ZNF688: variants seen among roughly 807,000 people sequenced by gnomAD.
ZNF688 encodes the protein zinc finger protein 688.
ZNF688 carries 10 observed loss-of-function variants against 13.2 expected under a neutral mutation model. The ratio of observed to expected loss-of-function variants is 0.76; its 90% CI spans 0.47 to 1.28. The LOEUF (loss-of-function observed/expected upper bound fraction) is 1.28. Ranked by LOEUF, ZNF688 falls within the 50% of genes most tolerant of loss-of-function variation. The pLI, the probability that ZNF688 is intolerant of heterozygous loss-of-function variation, is 0.00. For missense variants in ZNF688, 381 were observed against 391.4 expected, an observed-to-expected ratio of 0.97 and a Z score of 0.22; for synonymous variants, 160 against 159.4, an observed-to-expected ratio of 1.00 and a Z score of -0.03.
In ZNF688 at chr16:30,571,599, G is replaced by A. The variant is rs1462336469; in HGVS notation, c.31C>T (p.Pro11Ser). 1.3e-5 allele frequency: 20 copies of A among 1,524,968 alleles called. No individual in the cohort carries two copies. The highest frequency in any genetic ancestry group is 1.7e-5 in the Non-Finnish European group (19 of 1,137,110). The allele number at this position is 1,524,968 out of a possible 1,614,324, so 94.5% of individuals were successfully genotyped here. Residue 11 changes from proline (P) to serine (S), a missense_variant, in exon 1 of 3, where the codon CCG (proline) becomes TCG (serine). Transcript: ENST00000223459. ...CCAGGCCGGGTCTCCCCGGGCCTCG[G>A]CGCCAGGAGCGGGGCTGGGGGCGGC... is the stretch of plus-strand genomic sequence containing the variant. MAPPPAPLLA[P>S]RPGETRPGCR...
Position 30,570,101 on chromosome 16 carries a change from A to C in ZNF688, c.646T>G (p.Cys216Gly), listed in dbSNP as rs768673785. Residue 216 changes from cysteine to glycine, a missense_variant, in exon 3 of 3, where the codon TGT becomes GGT. Cys to Gly is a radical substitution (Grantham distance 159). Transcript: ENST00000223459. ...AACTTCCTCTTGAAGCGCATGCCAC[A>C]CTCGGGGCAGGGGAAAGGCCGCTCC... is the stretch of plus-strand genomic sequence containing the variant. ...SGERPFPCPE[C>G]GMRFKRKFAV... 6.2e-7 allele frequency: 1 copy of C among 1,611,442 alleles called. No homozygotes were observed. The highest frequency in any genetic ancestry group is 1.1e-5 in the South Asian group (1 of 90,888).
In ZNF688 at chr16:30,571,484, G is replaced by C; in HGVS notation, c.146C>G (p.Ala49Gly). The stretch of plus-strand genomic sequence containing the variant: ...CTCCTGCATCACGTCCCGGTACAGA[G>C]CCCTCTGCGCGGGCCGCAGACAGCC... ...EWGCLRPAQR[A>G]LYRDVMQETY... The change falls in exon 1 of 3, where the codon GCT becomes GGT. Residue 49 changes from alanine (A) to glycine (G), a missense_variant. Physicochemically the swap from Ala to Gly is moderately conservative, Grantham distance 60. Coordinates refer to ENST00000223459, the MANE Select transcript of ZNF688 (RefSeq NM_145271.4). The C allele has an allele frequency of 1.3e-6, 2 of 1,590,332 alleles. No individual in the cohort carries two copies. The highest frequency in any genetic ancestry group is 2.3e-5 in the South Asian group (2 of 87,442).
upstream of ZNF688, chr16:30,572,026 G>A: frequency 2.1e-6 from 3 of 1,409,018 alleles, no homozygotes; most frequent in Non-Finnish European, 2.8e-6. Flanking sequence ...AAGCCGCTTC[G>A]GCTGCTTTTT....
rs2051670107 is a variant in ZNF688, at chr16:30,571,039, T to G, written c.281A>C (p.Lys94Thr). ...CCGAGCTCCTCCCAGTCTTTCCCCC[T>G]TCTCAGGATCCTGGGCGGCGGGGCT... is the stretch of plus-strand genomic sequence containing the variant. ...AWSPAAQDPE[K>T]GERLGGARRG... is the part of the protein sequence containing the mutation. Residue 94 changes from lysine (K) to threonine (T), a missense_variant, in exon 2 of 3, where the codon AAG becomes ACG. Lys to Thr is a moderately conservative substitution (Grantham distance 78). Coordinates refer to ENST00000223459, the MANE Select transcript of ZNF688 (RefSeq NM_145271.4). 1 of 1,612,808 alleles carries G rather than the reference T, an allele frequency of 6.2e-7. No individual in the cohort carries two copies. The highest frequency in any genetic ancestry group is 8.5e-7 in the Non-Finnish European group (1 of 1,179,580).
chr16:30,572,353 A>G (rs2051701220), upstream of ZNF688: 3 of 1,374,446 alleles, frequency 2.2e-6, no homozygotes, highest in South Asian at 1.7e-5. Flanking sequence ...TGGTCCCCAG[A>G]CCCCTTGGGA....
upstream of ZNF688, chr16:30,573,956 T>C (rs1433250417): frequency 2.6e-5 from 8 of 308,812 alleles, no homozygotes; most frequent in Admixed American, 3.0e-4. Context: ...TTTGAAAATA[T>C]TTAATTTAGG....
intron 1 of ZNF688, 65 bp from the exon 2 acceptor site, chr16:30,571,188 C>G (rs1424653440): frequency 2.6e-6 from 4 of 1,530,450 alleles, no homozygotes; most frequent in Non-Finnish European, 1.8e-6. Flanking sequence ...GCATTCCCCT[C>G]CAGGCTGAGG....
intron 2 of ZNF688, 43 bp from the exon 3 acceptor site, chr16:30,570,479 C>G: frequency 6.4e-7 from 1 of 1,574,390 alleles, no homozygotes; most frequent in South Asian, 1.1e-5. Context: ...CACTTTTGCA[C>G]AGACTGTCTC....
upstream of ZNF688, among the ~76,000 whole-genome samples, chr16:30,575,309 T>A (rs1597143024): frequency 6.6e-6 from 1 of 151,458 alleles, no homozygotes; most frequent in East Asian, 1.9e-4. Context: ...TGCAATGCCC[T>A]GGTCTCGGCT....
At chr16:30,573,026 C>T (rs2051711207), upstream of ZNF688, among the ~76,000 whole-genome samples, 1 of 152,234 alleles carries the variant, frequency 6.6e-6, no homozygotes, top group Non-Finnish European at 1.5e-5. Context: ...CCTGCCTCAG[C>T]CTCCCAAGTA....
Position 30,571,417 on chromosome 16 carries a change from G to A in ZNF688, c.196+17C>T, listed in dbSNP as rs1225141052. ...AACCCGGTGAAGGAGGAGGGGGCTC[G>A]GACCCGGGGCTCTCACCGAGCGCGC... is the stretch of plus-strand genomic sequence containing the variant. On this transcript the variant is annotated intron_variant, in intron 1 of 2. Transcript: ENST00000223459. 6.4e-7 allele frequency: 1 copy of A among 1,554,358 alleles called. No individual in the cohort carries two copies. Among genetic ancestry groups the A allele is most frequent in the East Asian group, 2.4e-5 (1 of 41,310 alleles).
intron 2 of ZNF688, chr16:30,570,680 A>T: frequency 2.2e-6 from 1 of 460,072 alleles, no homozygotes. Flanking sequence ...AGCTGAGTAG[A>T]TGCATGTTAA....
At chr16:30,570,765 A>G in intron 2 of ZNF688, 1 of 373,282 alleles carries the variant, frequency 2.7e-6, no homozygotes. Flanking sequence ...TTATTTATTT[A>G]TTTTTGAGAC....
Position 30,570,179 on chromosome 16 carries a change from G to A in ZNF688, c.568C>T (p.Arg190Cys), listed in dbSNP as rs1489236427. The change falls in exon 3 of 3, where the codon CGC (arginine) becomes TGC (cysteine). Residue 190 changes from arginine to cysteine, a missense_variant. Arg to Cys is a radical substitution (Grantham distance 180). Coordinates refer to ENST00000223459, the MANE Select transcript of ZNF688 (RefSeq NM_145271.4). ...QRRHVCTDCG[R>C]RFTYPSLLVS... ...AGCAGTGAGGGGTAGGTGAAGCGGC[G>A]GCCGCAGTCCGTGCACACGTGGCGC... 1.2e-6 allele frequency: 2 copies of A among 1,610,682 alleles called. No individual in the cohort carries two copies. Among genetic ancestry groups the A allele is most frequent in the East Asian group, 2.2e-5 (1 of 44,830 alleles).
chr16:30,571,110 G>T lies in ZNF688; in HGVS notation c.210C>A (p.Pro70=), dbSNP rs759612356. The change falls in exon 2 of 3, where the codon CCC becomes CCA. Residue 70 remains proline, a synonymous_variant. Coordinates refer to ENST00000223459, the MANE Select transcript of ZNF688 (RefSeq NM_145271.4). ...GHLGALGFPG[P]KPALISWMEQ... ...CCATCCAAGAGATGAGGGCTGGTTT[G>T]GGGCCTGGGAATCCTGGGAGAGAAC... 21 of 1,580,000 alleles carry T rather than the reference G, an allele frequency of 1.3e-5. No homozygotes were observed. The South Asian group carries it at 2.0e-4, about 15-fold the overall frequency.
Position 30,570,203 on chromosome 16 carries a change from G to T in ZNF688, c.544C>A (p.Arg182Ser), listed in dbSNP as rs149939031. The T allele has an allele frequency of 4.0e-4, 638 of 1,612,094 alleles. 1 individual carries two copies. Among genetic ancestry groups the T allele is most frequent in the Non-Finnish European group, 4.7e-4 (557 of 1,179,368 alleles). The change falls in exon 3 of 3, where the codon CGC (arginine) becomes AGC (serine). Residue 182 changes from arginine (R) to serine (S), a missense_variant. Arg to Ser is a moderately radical substitution (Grantham distance 110). Transcript: ENST00000223459. ...CGGCCGCAGTCCGTGCACACGTGGCGCCGCTGGCCGGCCTGAGCATCCATG... is the reference window on the plus strand; with the variant it reads ...CGGCCGCAGTCCGTGCACACGTGGCTCCGCTGGCCGGCCTGAGCATCCATG... The part of the protein sequence containing the change: ...PSMDAQAGQR[R>S]HVCTDCGRRF...
At chr16:30,575,286 G>T (rs1194265846), upstream of ZNF688, among the ~76,000 whole-genome samples, 4 of 139,374 alleles carry the variant, frequency 2.9e-5, no homozygotes, top group African/African-American at 2.7e-5. Context: ...TGCTTTTGTT[G>T]TCTAGGTTGG....
chr16:30,577,109 T>C (rs2051754440), upstream of ZNF688, among the ~76,000 whole-genome samples: 1 of 151,538 alleles, frequency 6.6e-6, no homozygotes, highest in Non-Finnish European at 1.5e-5. Flanking sequence ...GTCACCCAGG[T>C]TGGGGTGCAG....
chr16:30,570,552 GGC>G (rs1266551928), intron 2 of ZNF688, 116 bp from the exon 3 acceptor site: 19 of 1,299,186 alleles, frequency 1.5e-5, no homozygotes, highest in Non-Finnish European at 1.8e-5. Flanking sequence ...TTAACACACA[GGC>G]TTTAGAACAA....
Sources: allele counts gnomAD v4.1 joint callset (sites outside exome capture counted in the v4.1 genomes callset), GRCh38; gene constraint gnomAD v4.1.1; transcripts MANE v1.5; gene names NCBI Gene and HGNC (gene_info 2026-07-23, HGNC 2026-07-21).